ABCA3: variants seen among roughly 807,000 people sequenced by gnomAD.
ABCA3 encodes ATP binding cassette subfamily A member 3.
Under a neutral mutation model 172.8 loss-of-function variants are expected in ABCA3, and 88 were observed. The observed-to-expected ratio is 0.51, with a 90% CI of 0.43 to 0.61. ABCA3 has a LOEUF of 0.61. ABCA3 is among the 20% of genes least tolerant of loss of function. The pLI is 0.00. For synonymous variants in ABCA3, 1,066 were observed against 983.8 expected, an observed-to-expected ratio of 1.08 and a Z score of -1.56; for missense variants, 2,164 against 2,301.0, an observed-to-expected ratio of 0.94 and a Z score of 1.22.
intron 1 of ABCA3, chr16:2,332,827 TACACAGTC>T: frequency 1.7e-6 from 1 of 582,658 alleles, no homozygotes; most frequent in Non-Finnish European, 3.0e-6. Flanking sequence ...TTTTTTTTTT[TACACAGTC>T]TTGCTTTGTC....
chr16:2,276,606 G>C lies in ABCA3; in HGVS notation c.*68C>G, dbSNP rs2093646773. 6.3e-7 allele frequency: 1 copy of C among 1,595,064 alleles called. No homozygotes were observed. Among genetic ancestry groups the C allele is most frequent in the Admixed American group, 1.7e-5 (1 of 59,410 alleles). Reference sequence around the variant, plus strand: ...ATAAAGGATGAGATAAACTTGGAGAGAGAGGATGTAAGATGGGCCCTGCTT... The same window carrying C: ...ATAAAGGATGAGATAAACTTGGAGACAGAGGATGTAAGATGGGCCCTGCTT... On this transcript the variant is annotated 3_prime_UTR_variant, in exon 33 of 33. Coordinates refer to ENST00000301732, the MANE Select transcript of ABCA3 (RefSeq NM_001089.3).
chr16:2,292,073 C>CA (rs889291314), intron 19 of ABCA3, 67 bp downstream of exon 19: 28,620 of 1,002,944 alleles, frequency 0.029, no homozygotes, highest in Non-Finnish European at 0.033. Flanking sequence ...AACTCCATCT[C>CA]AAAAAAAAAA....
intron 32 of ABCA3, 138 bp from the exon 33 acceptor site, chr16:2,276,943 A>C: frequency 7.5e-7 from 1 of 1,329,674 alleles, no homozygotes; most frequent in Non-Finnish European, 1.0e-6. Flanking sequence ...AGAGCCCCAG[A>C]GAGGTCAGCC....
Position 2,308,470 on chromosome 16 carries a change from A to G in ABCA3, c.1265T>C (p.Ile422Thr), listed in dbSNP as rs1567347741. ...CTCACCTTTCGCCTCAAATTTCCCA[A>G]TGAGCTGGGCTCCCATTGCCATGGC... ...NVAMAMGAQL[I>T]GKFEAKGMGI... is the part of the protein sequence containing the mutation. Residue 422 changes from isoleucine to threonine, a missense_variant, in exon 11 of 33, where the codon ATT becomes ACT. Coordinates refer to ENST00000301732, the MANE Select transcript of ABCA3 (RefSeq NM_001089.3). 8 of 1,614,156 alleles carry G rather than the reference A, an allele frequency of 5.0e-6. No homozygotes were observed. Among genetic ancestry groups the G allele is most frequent in the South Asian group, 4.4e-5 (4 of 91,086 alleles).
rs747646489 is a variant in ABCA3, at chr16:2,283,380, G to A, written c.3863-22C>T. On this transcript the variant is annotated intron_variant, in intron 25 of 32. Transcript: ENST00000301732. The surrounding 1 kb of genome is among the most constrained non-coding windows in gnomAD (Gnocchi z 5.4). ...ATGTCTGTGGGGCGAGGGAGTCACTGTGCCCCGAGGCCTGGGGCACCCTCC... is the reference window on the plus strand; with the variant it reads ...ATGTCTGTGGGGCGAGGGAGTCACTATGCCCCGAGGCCTGGGGCACCCTCC... The A allele has an allele frequency of 2.5e-6, 4 of 1,608,910 alleles. No homozygotes were observed. Among genetic ancestry groups the A allele is most frequent in the Non-Finnish European group, 1.7e-6 (2 of 1,177,522 alleles).
intron 1 of ABCA3, among the ~76,000 whole-genome samples, chr16:2,337,500 A>G (rs898910009): frequency 1.3e-5 from 2 of 151,602 alleles, no homozygotes; most frequent in African/African-American, 2.4e-5. Context: ...CAGTCTCCCA[A>G]ATAGCTGGGA....
intron 11 of ABCA3, among the ~76,000 whole-genome samples, chr16:2,307,892 AC>A (rs763614903): frequency 3.0e-4 from 45 of 152,260 alleles, no homozygotes; most frequent in Admixed American, 9.2e-4. Flanking sequence ...GGCGTGAGCC[AC>A]CACGCCCAGC....
Position 2,283,489 on chromosome 16 carries a change from GAA to G in ABCA3, c.3863-133_3863-132del. The G allele has an allele frequency of 9.4e-7, 1 of 1,065,662 alleles. No individual in the cohort carries two copies. Among genetic ancestry groups the G allele is most frequent in the Non-Finnish European group, 1.3e-6 (1 of 744,864 alleles). The allele number at this position is 1,065,662 out of a possible 1,614,324, so 66.0% of individuals were successfully genotyped here. A position where few individuals can be genotyped will look rare whatever the true frequency, so the allele number is the denominator to read the frequency against. On this transcript the variant is annotated intron_variant, in intron 25 of 32. Transcript: ENST00000301732. The surrounding 1 kb of genome is among the most constrained non-coding windows in gnomAD (Gnocchi z 5.4). The stretch of plus-strand genomic sequence containing the variant: ...CAATGTCCCCTCCATGGGGAGATGT[GAA>G]GGCCAGTAGGTCACAGCTGCCTCTC...
At chr16:2,326,655 A>G (rs1266434509) in intron 3 of ABCA3, among the ~76,000 whole-genome samples, 163 bp from the exon 4 acceptor site, 1 of 152,228 alleles carries the variant, frequency 6.6e-6, no homozygotes, top group African/African-American at 2.4e-5. Flanking sequence ...GGCCTGTGCC[A>G]TGCCCACCCT....
chr16:2,326,585 T>C lies in ABCA3; in HGVS notation c.-26-93A>G, dbSNP rs546162695. On this transcript the variant is annotated intron_variant, in intron 3 of 32. Transcript: ENST00000301732. ...AAAGCCATGGACCCTTTTTCCTCCA[T>C]GTCTCTCACCTTCTTTTGTGCCACT... is the stretch of plus-strand genomic sequence containing the variant. The C allele has an allele frequency of 2.6e-5, 35 of 1,336,802 alleles. No individual in the cohort carries two copies. The East Asian group carries it at 8.3e-4, about 32-fold the overall frequency. The allele number at this position is 1,336,802 out of a possible 1,614,324, so 82.8% of individuals were successfully genotyped here.
At chr16:2,318,519 CTTTT>C (rs1050906115) in intron 8 of ABCA3, among the ~76,000 whole-genome samples, 18 of 144,772 alleles carry the variant, frequency 1.2e-4, no homozygotes, top group Middle Eastern at 3.6e-3. Flanking sequence ...TTCTCTTTTT[CTTTT>C]TTTTTTTTAG....
intron 8 of ABCA3, 119 bp from the exon 9 acceptor site, chr16:2,317,883 G>A (rs1458287005): frequency 1.2e-5 from 10 of 865,248 alleles, no homozygotes; most frequent in Non-Finnish European, 1.9e-5. Context: ...CATTCGACAG[G>A]GTCTTACTAT....
At chr16:2,324,602 G>A in intron 5 of ABCA3, 71 bp from the exon 6 acceptor site, 2 of 1,595,500 alleles carry the variant, frequency 1.3e-6, no homozygotes. Flanking sequence ...GCGTGGTTCA[G>A]GTCACTGGCA....
In ABCA3 at chr16:2,285,209, G is replaced by A. The variant is rs112911173; in HGVS notation, c.3484-211C>T. Reference sequence around the variant, plus strand: ...AGTTTCCCCTCGTCCCCTTGCACCCGGAGCTGTAACCAGGATGGCTGCTCC... The same window carrying A: ...AGTTTCCCCTCGTCCCCTTGCACCCAGAGCTGTAACCAGGATGGCTGCTCC... On this transcript the variant is annotated intron_variant, in intron 23 of 32. Transcript: ENST00000301732. The surrounding 1 kb of genome is among the most constrained non-coding windows in gnomAD (Gnocchi z 4.7). Among the ~76,000 whole-genome samples the A allele has an allele frequency of 2.6e-5, 4 of 152,282 alleles. No homozygotes were observed. The highest frequency in any genetic ancestry group is 6.5e-5 in the Admixed American group (1 of 15,296).
In ABCA3 at chr16:2,328,651, C is replaced by T. The variant is rs764280244; in HGVS notation, c.-225G>A. 16 of 469,532 alleles carry T rather than the reference C, an allele frequency of 3.4e-5. No homozygotes were observed. Among genetic ancestry groups the T allele is most frequent in the Non-Finnish European group, 4.7e-5 (11 of 233,292 alleles). The allele number at this position is 469,532 out of a possible 1,614,324, so 29.1% of individuals were successfully genotyped here. A position where few individuals can be genotyped will look rare whatever the true frequency, so the allele number is the denominator to read the frequency against. ...GGTGCTGGTCCACTCGCTACAACTG[C>T]AGGCAGAGAGGAGTCCTTCCCGCTC... On this transcript the variant is annotated 5_prime_UTR_variant, in exon 3 of 33. Coordinates refer to ENST00000301732, the MANE Select transcript of ABCA3 (RefSeq NM_001089.3).
At chr16:2,289,731 G>A (rs1253183376) in intron 19 of ABCA3, 111 bp from the exon 20 acceptor site, 4 of 1,138,436 alleles carry the variant, frequency 3.5e-6, no homozygotes, top group Admixed American at 4.3e-5. Flanking sequence ...TCCTTGGCTT[G>A]CTCATGCATC....
chr16:2,289,357 T>A, intron 20 of ABCA3, 77 bp downstream of exon 20: 1 of 1,519,592 alleles, frequency 6.6e-7, no homozygotes, highest in Non-Finnish European at 8.8e-7. Context: ...CAGACTCTCC[T>A]CTGCATGGGC....
At chr16:2,327,773 T>G (rs1181285986) in intron 3 of ABCA3, among the ~76,000 whole-genome samples, 1 of 152,178 alleles carries the variant, frequency 6.6e-6, no homozygotes, top group Admixed American at 6.5e-5. Context: ...CAGGCTGGAG[T>G]ACAGTGGCGT....
chr16:2,293,364 T>A (rs2093674994), intron 18 of ABCA3, among the ~76,000 whole-genome samples: 1 of 134,664 alleles, frequency 7.4e-6, no homozygotes, highest in South Asian at 2.5e-4. Context: ...CTGGCCAAAA[T>A]GCCTTTTTTT....
Sources: gnomAD v4.1 joint callset for allele counts (sites outside exome capture counted in the v4.1 genomes callset) on GRCh38, gnomAD v4.1.1 for gene constraint, Gnocchi (gnomAD v3.1) non-coding constraint, MANE v1.5 for transcripts, NCBI Gene and HGNC (gene_info 2026-07-23, HGNC 2026-07-21) for gene names.